The following PKP4 variants were observed in gnomAD, a reference collection of about 807,000 sequenced individuals.
The protein encoded by PKP4 is plakophilin 4, also known as plakophilin-4.
PKP4 carries 90 observed loss-of-function variants against 145.1 expected under a neutral mutation model. The observed-to-expected ratio is 0.62, with a 90% CI of 0.52 to 0.74. The LOEUF is 0.74. Ranked by LOEUF, PKP4 falls within the 30% of genes least tolerant of loss-of-function variation. The pLI is 0.00. For missense variants in PKP4, 1,340 were observed against 1,482.7 expected (o/e 0.90, Z 1.58); for synonymous variants, 563 against 577.2 (o/e 0.98, Z 0.35).
intron 1 of PKP4, among the ~76,000 whole-genome samples, chr2:158,510,706 G>A (rs1363154337): frequency 6.6e-6 from 1 of 152,204 alleles, no homozygotes; most frequent in Non-Finnish European, 1.5e-5. Context: ...GGGCCAGATT[G>A]GGCTGGTGGG....
At chr2:158,635,778 G>A (rs888870736) in intron 9 of PKP4, among the ~76,000 whole-genome samples, 1 of 152,114 alleles carries the variant, frequency 6.6e-6, no homozygotes, top group Non-Finnish European at 1.5e-5. Context: ...AATGCATTTC[G>A]TAAGGTGAAT....
At chr2:158,640,554 A>T (rs1399092613) in intron 9 of PKP4, 73 bp from the exon 10 acceptor site, 3 of 1,516,346 alleles carry the variant, frequency 2.0e-6, no homozygotes, top group African/African-American at 2.8e-5. Context: ...TTTTTTCCTT[A>T]TACCAAGTGT....
chr2:158,469,642 G>T (rs1691238927), intron 1 of PKP4, among the ~76,000 whole-genome samples: 1 of 152,012 alleles, frequency 6.6e-6, no homozygotes, highest in Admixed American at 6.6e-5. Flanking sequence ...TTACTTTTAT[G>T]TTCATTCTAA....
At chr2:158,462,177 T>TGCAA (rs1215599354) in intron 1 of PKP4, among the ~76,000 whole-genome samples, 1 of 152,190 alleles carries the variant, frequency 6.6e-6, no homozygotes. Context: ...GTGTCTGAAT[T>TGCAA]GCAAGCATGA....
At chr2:158,532,570 C>A (rs1343002368) in intron 1 of PKP4, among the ~76,000 whole-genome samples, 1 of 152,186 alleles carries the variant, frequency 6.6e-6, no homozygotes. Flanking sequence ...GTCAGTAAGT[C>A]TTTTGACAAA....
At chr2:158,567,702 C>T (rs761907476) in intron 2 of PKP4, among the ~76,000 whole-genome samples, 1 of 152,214 alleles carries the variant, frequency 6.6e-6, no homozygotes, top group East Asian at 1.9e-4. Context: ...TAGTATTGAA[C>T]GTTGGCAAAC....
At chr2:158,559,643 G>A (rs1217106821) in intron 2 of PKP4, among the ~76,000 whole-genome samples, 4 of 152,112 alleles carry the variant, frequency 2.6e-5, no homozygotes, top group Non-Finnish European at 4.4e-5. Context: ...CTTTTCCTGT[G>A]TATTAACTGG....
rs544787942 is a variant in PKP4, at chr2:158,566,944, G to A, written c.133-10327G>A. On this transcript the variant is annotated intron_variant, in intron 2 of 21. Transcript: ENST00000389759. ...CCAGTTCAACAATTAAATGTCAGTA[G>A]TCTGTTCAATGAGTTTTCAAAAGTG... 2.6e-5 allele frequency among the ~76,000 whole-genome samples: 4 copies of A among 152,294 alleles called. No individual in the cohort carries two copies. The East Asian group carries it at 5.8e-4, about 22-fold the overall frequency.
At chr2:158,649,239 C>G (rs969013572) in intron 11 of PKP4, among the ~76,000 whole-genome samples, 1 of 152,128 alleles carries the variant, frequency 6.6e-6, no homozygotes, top group African/African-American at 2.4e-5. Context: ...GAAGGTTGAG[C>G]AGGCAAGTCT....
intron 11 of PKP4, among the ~76,000 whole-genome samples, chr2:158,645,588 A>G (rs772569259): frequency 6.6e-6 from 1 of 152,226 alleles, no homozygotes; most frequent in Non-Finnish European, 1.5e-5. Flanking sequence ...ACTCCCTGAG[A>G]GAGCAGTGGC....
At chr2:158,500,977 CA>C (rs1696475438) in intron 1 of PKP4, among the ~76,000 whole-genome samples, 1 of 152,104 alleles carries the variant, frequency 6.6e-6, no homozygotes, top group Non-Finnish European at 1.5e-5. Context: ...TCTTATAGAG[CA>C]GTTACTTTGA....
chr2:158,492,564 C>T (rs1574084121), intron 1 of PKP4, among the ~76,000 whole-genome samples: 1 of 152,262 alleles, frequency 6.6e-6, no homozygotes, highest in East Asian at 1.9e-4. Context: ...CTCCTGCCAC[C>T]CTGCCCGGGC....
intron 2 of PKP4, among the ~76,000 whole-genome samples, chr2:158,554,426 A>ATT (rs769989250): frequency 4.4e-5 from 2 of 45,634 alleles, no homozygotes; most frequent in African/African-American, 6.5e-5. Context: ...AATTATTATT[A>ATT]TTATTTTTTT....
chr2:158,522,678 G>C (rs560877775), intron 1 of PKP4, among the ~76,000 whole-genome samples: 5 of 152,236 alleles, frequency 3.3e-5, no homozygotes, highest in South Asian at 2.1e-4. Context: ...CAGCGTGAGC[G>C]ACGCAGAAGA....
At chr2:158,552,681 G>T (rs188445747) in intron 2 of PKP4, among the ~76,000 whole-genome samples, 3 of 152,202 alleles carry the variant, frequency 2.0e-5, no homozygotes, top group East Asian at 1.9e-4. Context: ...CTAGACCACC[G>T]CAATAAAGCT....
intron 15 of PKP4, among the ~76,000 whole-genome samples, chr2:158,665,400 C>T (rs919690787): frequency 9.9e-5 from 15 of 152,174 alleles, no homozygotes; most frequent in African/African-American, 3.4e-4. Context: ...CTTTGAAATG[C>T]ATCTTTCCCT....
chr2:158,468,194 T>C (rs1315058071), intron 1 of PKP4, among the ~76,000 whole-genome samples: 1 of 152,256 alleles, frequency 6.6e-6, no homozygotes, highest in African/African-American at 2.4e-5. Context: ...CATTATGCAC[T>C]GAATTATCTG....
At chr2:158,597,047 T>C (rs1210012306) in intron 3 of PKP4, among the ~76,000 whole-genome samples, 1 of 152,192 alleles carries the variant, frequency 6.6e-6, no homozygotes, top group Non-Finnish European at 1.5e-5. Context: ...TTGTGATAGA[T>C]ATGTGAATGT....
intron 1 of PKP4, among the ~76,000 whole-genome samples, chr2:158,520,286 A>G (rs1210582211): frequency 6.6e-6 from 1 of 152,172 alleles, no homozygotes; most frequent in African/African-American, 2.4e-5. Flanking sequence ...TTTATTTTCA[A>G]AAATCGTTAT....
Sources: allele counts gnomAD v4.1 joint callset (sites outside exome capture counted in the v4.1 genomes callset), GRCh38; gene constraint gnomAD v4.1.1; transcripts MANE v1.5; gene names NCBI Gene and HGNC (gene_info 2026-07-23, HGNC 2026-07-21).